The following NLGN1 variants were observed in gnomAD, a reference collection of about 807,000 sequenced individuals.
NLGN1 encodes the protein neuroligin 1.
A neutral mutation model predicts 65.5 loss-of-function variants in NLGN1; 12 were observed. The observed-to-expected ratio is 0.18, with a 90% confidence interval of 0.12 to 0.30. The LOEUF (loss-of-function observed/expected upper bound fraction) is 0.30. Among genes scored for constraint, NLGN1 ranks in the 10% least tolerant of loss-of-function variants. The pLI, the probability that NLGN1 is intolerant of heterozygous loss-of-function variation, is 1.00. For synonymous variants in NLGN1, 350 were observed against 359.5 expected, an observed-to-expected ratio of 0.97 and a Z score of 0.30; for missense variants, 750 against 1,007.1, an observed-to-expected ratio of 0.74 and a Z score of 3.46.
intron 2 of NLGN1, among the ~76,000 whole-genome samples, chr3:173,512,139 C>T (rs892348053): frequency 2.0e-5 from 3 of 152,218 alleles, no homozygotes; most frequent in African/African-American, 7.2e-5. Context: ...TCTCTTAGCT[C>T]TGCCATCTGT....
chr3:174,108,472 C>G (rs1019618354), intron 4 of NLGN1, among the ~76,000 whole-genome samples: 1 of 151,916 alleles, frequency 6.6e-6, no homozygotes, highest in Non-Finnish European at 1.5e-5. Flanking sequence ...ACACAGCACA[C>G]TCGCCATTGT....
chr3:173,643,257 A>G (rs1386126942), intron 3 of NLGN1, among the ~76,000 whole-genome samples: 2 of 152,206 alleles, frequency 1.3e-5, no homozygotes, highest in Non-Finnish European at 2.9e-5. Context: ...TACAGAAAAT[A>G]TTTGAAGACA....
intron 4 of NLGN1, among the ~76,000 whole-genome samples, chr3:174,094,145 T>C (rs1745024273): frequency 6.6e-6 from 1 of 152,164 alleles, no homozygotes; most frequent in Non-Finnish European, 1.5e-5. Context: ...ACAAGATGGT[T>C]TTATATATTT....
intron 4 of NLGN1, among the ~76,000 whole-genome samples, chr3:174,030,186 C>T (rs935175003): frequency 2.1e-5 from 3 of 145,424 alleles, no homozygotes; most frequent in African/African-American, 7.7e-5. Context: ...AGTGCAATGG[C>T]ACAATCTCAG....
At chr3:174,179,352 T>C (rs1183100368) in intron 4 of NLGN1, among the ~76,000 whole-genome samples, 1 of 152,078 alleles carries the variant, frequency 6.6e-6, no homozygotes, top group African/African-American at 2.4e-5. Flanking sequence ...ATAGGTAAAG[T>C]TGAATATGTG....
chr3:173,716,848 G>A (rs951512315), intron 3 of NLGN1, among the ~76,000 whole-genome samples: 1 of 151,968 alleles, frequency 6.6e-6, no homozygotes, highest in African/African-American at 2.4e-5. Flanking sequence ...TATTTGTCGT[G>A]TATCTTGATG....
At chr3:174,130,496 TA>T (rs1369154530) in intron 4 of NLGN1, among the ~76,000 whole-genome samples, 1 of 152,108 alleles carries the variant, frequency 6.6e-6, no homozygotes, top group Non-Finnish European at 1.5e-5. Context: ...CTCGAGAATC[TA>T]AATGGGCTGG....
rs1577277731 is a variant in NLGN1 at position 173,400,181 on chromosome 3, GA to G, written c.-390+1695del. Among the ~76,000 whole-genome samples the G allele has an allele frequency of 2.0e-5, 3 of 152,152 alleles. No individual in the cohort carries two copies. In the East Asian group the frequency reaches 5.8e-4, roughly 29 times the overall value. On this transcript the variant is annotated intron_variant, in intron 1 of 6. Coordinates refer to ENST00000457714, the Ensembl canonical transcript of NLGN1. The stretch of plus-strand genomic sequence containing the variant: ...CATCTTACTGGATTGTCAATAGGAA[GA>G]TATGATTTTTCAGTTATGTTTTAAT...
chr3:174,220,989 G>T (rs1460218462), intron 4 of NLGN1, among the ~76,000 whole-genome samples: 1 of 152,152 alleles, frequency 6.6e-6, no homozygotes, highest in East Asian at 1.9e-4. Flanking sequence ...GGATTTATCA[G>T]GGTAAAGCCC....
At chr3:173,756,694 A>G (rs1221170144) in intron 3 of NLGN1, among the ~76,000 whole-genome samples, 1 of 151,890 alleles carries the variant, frequency 6.6e-6, no homozygotes, top group Non-Finnish European at 1.5e-5. Flanking sequence ...GTGTCAAGAA[A>G]TGCACAAAAT....
chr3:173,404,208 C>G (rs1334846754), intron 1 of NLGN1, among the ~76,000 whole-genome samples: 1 of 152,086 alleles, frequency 6.6e-6, no homozygotes, highest in Non-Finnish European at 1.5e-5. Context: ...ATTGCAATAA[C>G]TCTTTCTTCA....
At chr3:174,087,222 A>C (rs1318002459) in intron 4 of NLGN1, among the ~76,000 whole-genome samples, 2 of 152,172 alleles carry the variant, frequency 1.3e-5, no homozygotes, top group Non-Finnish European at 2.9e-5. Flanking sequence ...ACCCCGTGAC[A>C]TGAGTTTAGA....
intron 3 of NLGN1, among the ~76,000 whole-genome samples, chr3:173,786,704 G>GA (rs1462602941): frequency 4.6e-5 from 7 of 152,034 alleles, no homozygotes; most frequent in Non-Finnish European, 8.8e-5. Context: ...ACCTGTATCA[G>GA]AAAAAATGAA....
intron 4 of NLGN1, among the ~76,000 whole-genome samples, chr3:173,941,172 G>T (rs1326244750): frequency 6.6e-6 from 1 of 151,970 alleles, no homozygotes; most frequent in South Asian, 2.1e-4. Context: ...ATTATCCGAA[G>T]ATCATAGTAC....
At chr3:174,018,592 A>G (rs1217847695) in intron 4 of NLGN1, among the ~76,000 whole-genome samples, 1 of 152,130 alleles carries the variant, frequency 6.6e-6, no homozygotes, top group Non-Finnish European at 1.5e-5. Context: ...CAGGTTCTAC[A>G]TGGCTTTTTG....
At chr3:174,189,889 C>G (rs975091816) in intron 4 of NLGN1, among the ~76,000 whole-genome samples, 3 of 152,124 alleles carry the variant, frequency 2.0e-5, no homozygotes, top group African/African-American at 7.2e-5. Context: ...AAGGAAATTG[C>G]AGGCCTGCCC....
chr3:173,674,458 G>T (rs771085704), intron 3 of NLGN1, among the ~76,000 whole-genome samples: 1 of 152,004 alleles, frequency 6.6e-6, no homozygotes, highest in Non-Finnish European at 1.5e-5. Flanking sequence ...CCAACATCTG[G>T]GTGACTTCAA....
Position 173,915,591 on chromosome 3 carries a change from T to A in NLGN1, c.646+107759T>A, listed in dbSNP as rs73182692. 2.7e-3 allele frequency among the ~76,000 whole-genome samples: 404 copies of A among 152,328 alleles called. 3 individuals are homozygous for A. The highest frequency in any genetic ancestry group is 3.5e-3 in the South Asian group (17 of 4,828). ...TAACTTCTAGAATCATTCTCACTAT[T>A]GCTGATACAATCTATTCAAAATAAT... On this transcript the variant is annotated intron_variant, in intron 4 of 6. Coordinates refer to ENST00000457714, the Ensembl canonical transcript of NLGN1.
chr3:174,265,781 A>ATGTG lies in NLGN1; in HGVS notation c.647-9531_647-9530insGTGT, dbSNP rs1553984542. 2.6e-4 allele frequency among the ~76,000 whole-genome samples: 35 copies of ATGTG among 134,728 alleles called. 1 individual carries two copies. The highest frequency in any genetic ancestry group is 1.8e-3 in the South Asian group (8 of 4,416). 88.4% of individuals were successfully genotyped at this position (134,728 alleles called of 152,430 possible). The stretch of plus-strand genomic sequence containing the variant: ...AAGAAGGCTATATATATATATATAT[A>ATGTG]TGTATATATATATATATATAGCCAA... On this transcript the variant is annotated intron_variant, in intron 4 of 6. Coordinates refer to ENST00000457714, the Ensembl canonical transcript of NLGN1.
Sources: gnomAD v4.1 joint callset for allele counts (sites outside exome capture counted in the v4.1 genomes callset) on GRCh38, gnomAD v4.1.1 for gene constraint, MANE v1.5 for transcripts, NCBI Gene and HGNC (gene_info 2026-07-23, HGNC 2026-07-21) for gene names.